The following POLR2B variants were observed in gnomAD, a reference collection of about 807,000 sequenced individuals.
The protein encoded by POLR2B is DNA-directed RNA polymerase II subunit RPB2.
Under a neutral mutation model 144.6 loss-of-function variants are expected in POLR2B, and 57 were observed. The ratio of observed to expected loss-of-function variants is 0.39; its 90% confidence interval spans 0.32 to 0.49. The LOEUF (loss-of-function observed/expected upper bound fraction) is 0.49, where lower values mean the gene tolerates loss of function less well. Ranked by LOEUF, POLR2B falls within the 20% of genes least tolerant of loss-of-function variation. POLR2B has a pLI of 0.83. For synonymous variants in POLR2B, 442 were observed against 469.8 expected (o/e 0.94, Z 0.77); for missense variants, 595 against 1,467.4 (o/e 0.41, Z 9.71).
chr4:56,984,327 GTACTTTTT>G (rs1722250902), intron 1 of POLR2B, among the ~76,000 whole-genome samples: 1 of 116,136 alleles, frequency 8.6e-6, no homozygotes, highest in African/African-American at 3.5e-5. Flanking sequence ...TTCCAACTAT[GTACTTTTT>G]TTTTTTCAAA....
At chr4:57,024,838 G>A (rs1723664354) in intron 21 of POLR2B, 48 bp from the exon 22 acceptor site, 1 of 910,806 alleles carries the variant, frequency 1.1e-6, no homozygotes, top group Non-Finnish European at 1.7e-6. Context: ...ACTTTTAGGG[G>A]GAGACAGACT....
Position 57,001,058 on chromosome 4 carries a change from C to T in POLR2B, c.900+1277C>T, listed in dbSNP as rs554893971. On this transcript the variant is annotated intron_variant, in intron 7 of 24. Coordinates refer to ENST00000314595, the MANE Select transcript of POLR2B (RefSeq NM_000938.3). ...AAACTATTAAGTAATAAGATCTGTACATTAATAGTATATAGTAATTCAAGT... is the reference window on the plus strand; with the variant it reads ...AAACTATTAAGTAATAAGATCTGTATATTAATAGTATATAGTAATTCAAGT... 5.3e-5 allele frequency among the ~76,000 whole-genome samples: 8 copies of T among 152,258 alleles called. No individual in the cohort carries two copies. The South Asian group carries it at 1.5e-3, about 28-fold the overall frequency.
intron 3 of POLR2B, among the ~76,000 whole-genome samples, chr4:56,992,577 T>TTTTTA (rs1722552884): frequency 2.1e-5 from 3 of 145,348 alleles, no homozygotes; most frequent in African/African-American, 7.5e-5. Flanking sequence ...TTTTTTTTTT[T>TTTTTA]GAGACAGAGT....
In POLR2B at chr4:57,023,910, T is replaced by C; in HGVS notation, c.2857-95T>C. ...ATGAACATACCATGTTTAAACAGAATTTGGGACATACAGTAATTCAGTTGG... is the reference window on the plus strand; with the variant it reads ...ATGAACATACCATGTTTAAACAGAACTTGGGACATACAGTAATTCAGTTGG... On this transcript the variant is annotated intron_variant, in intron 20 of 24. Coordinates refer to ENST00000314595, the MANE Select transcript of POLR2B (RefSeq NM_000938.3). The surrounding 1 kb of genome is among the most constrained non-coding windows in gnomAD (Gnocchi z 4.3). The C allele has an allele frequency of 1.2e-6, 1 of 811,374 alleles. No individual in the cohort carries two copies. The highest frequency in any genetic ancestry group is 2.0e-6 in the Non-Finnish European group (1 of 500,068). 50.3% of individuals were successfully genotyped at this position (811,374 alleles called of 1,614,324 possible). A position where few individuals can be genotyped will look rare whatever the true frequency, so the allele number is the denominator to read the frequency against.
Position 57,025,101 on chromosome 4 carries a change from C to T in POLR2B, c.3078+102C>T, listed in dbSNP as rs1258645437. 9 of 673,554 alleles carry T rather than the reference C, an allele frequency of 1.3e-5. 1 individual carries two copies. The highest frequency in any genetic ancestry group is 9.3e-5 in the South Asian group (5 of 54,034). 41.7% of individuals were successfully genotyped at this position (673,554 alleles called of 1,614,324 possible). On this transcript the variant is annotated intron_variant, in intron 22 of 24. Transcript: ENST00000314595. The stretch of plus-strand genomic sequence containing the variant: ...ACCTTTTATTGAAGTATCATATGTG[C>T]ACATATAGAAATGTACAGCTTGATG...
intron 6 of POLR2B, among the ~76,000 whole-genome samples, chr4:56,995,747 C>T (rs1331352076): frequency 6.6e-6 from 1 of 152,158 alleles, no homozygotes; most frequent in Non-Finnish European, 1.5e-5. Context: ...TGGACTGAGT[C>T]CCAGGTCTTT....
chr4:57,022,453 G>A (rs1263084684), intron 18 of POLR2B, among the ~76,000 whole-genome samples: 1 of 152,164 alleles, frequency 6.6e-6, no homozygotes, highest in Non-Finnish European at 1.5e-5. Context: ...ACCTAGGAGT[G>A]AGCTTGCTAT....
At chr4:57,008,768 T>G (rs1288767873) in intron 10 of POLR2B, among the ~76,000 whole-genome samples, 1 of 152,202 alleles carries the variant, frequency 6.6e-6, no homozygotes, top group Non-Finnish European at 1.5e-5. Context: ...TGAAGAGTAC[T>G]TGGAAAACGC....
At position 56,978,964 on chromosome 4, in the gene POLR2B, A is replaced by C. The variant is rs1023439210; in HGVS notation, c.-22A>C. 3 of 1,613,248 alleles carry C rather than the reference A, an allele frequency of 1.9e-6. No homozygotes were observed. The highest frequency in any genetic ancestry group is 2.5e-6 in the Non-Finnish European group (3 of 1,179,384). ...TTGTCTTTTGATTTCAAGAGTTAGG[A>C]GCTCGAGAACCGTTTGGCAATATGT... On this transcript the variant is annotated 5_prime_UTR_variant, in exon 1 of 25. Coordinates refer to ENST00000314595, the MANE Select transcript of POLR2B (RefSeq NM_000938.3).
intron 3 of POLR2B, among the ~76,000 whole-genome samples, chr4:56,993,902 C>T (rs1171002700): frequency 1.3e-5 from 2 of 152,080 alleles, no homozygotes; most frequent in Non-Finnish European, 2.9e-5. Context: ...TCTCTGGTCA[C>T]TTTGTATTTT....
intron 7 of POLR2B, among the ~76,000 whole-genome samples, chr4:57,002,283 G>A (rs1472386815): frequency 6.6e-6 from 1 of 152,060 alleles, no homozygotes; most frequent in African/African-American, 2.4e-5. Flanking sequence ...CCATCCTCGG[G>A]CTCCTGAAGT....
At chr4:56,998,241 G>A (rs934755146) in intron 6 of POLR2B, among the ~76,000 whole-genome samples, 1 of 147,770 alleles carries the variant, frequency 6.8e-6, no homozygotes, top group African/African-American at 2.5e-5. Context: ...TTTTTTTGGA[G>A]ACTAAGTCTG....
chr4:56,997,338 A>AACT (rs1397087825), intron 6 of POLR2B, among the ~76,000 whole-genome samples: 1 of 151,136 alleles, frequency 6.6e-6, no homozygotes. Flanking sequence ...GGCTCACTGC[A>AACT]ACCACCACCT....
intron 16 of POLR2B, among the ~76,000 whole-genome samples, chr4:57,018,480 G>C (rs1022432833): frequency 2.6e-5 from 4 of 152,142 alleles, no homozygotes; most frequent in Admixed American, 2.6e-4. Flanking sequence ...GGTGTTTGTG[G>C]CTTGGGTGAT....
chr4:56,981,056 G>A (rs1722142613), intron 1 of POLR2B, among the ~76,000 whole-genome samples: 1 of 152,036 alleles, frequency 6.6e-6, no homozygotes, highest in African/African-American at 2.4e-5. Context: ...ACCTGCCTCG[G>A]CCTCCGAAAG....
Position 57,028,113 on chromosome 4 carries a change from A to G in POLR2B, c.3240-2091A>G, listed in dbSNP as rs993519035. On this transcript the variant is annotated intron_variant, in intron 23 of 24. Transcript: ENST00000314595. The stretch of plus-strand genomic sequence containing the variant: ...TCTACAACATCGTCAACTTAATTCT[A>G]AGTCTGAATTAACATCATGGGTGTT... Among the ~76,000 whole-genome samples, 8 of 152,218 alleles carry G rather than the reference A, an allele frequency of 5.3e-5. 1 individual carries two copies. The highest frequency in any genetic ancestry group is 1.4e-4 in the African/African-American group (6 of 41,544).
intron 6 of POLR2B, 102 bp downstream of exon 6, chr4:56,995,511 T>C (rs1162100371): frequency 3.9e-6 from 3 of 770,884 alleles, no homozygotes; most frequent in East Asian, 5.1e-5. Flanking sequence ...CTGGAGCATA[T>C]TGTTGTTATA....
At chr4:56,989,556 A>C (rs537267574) in intron 2 of POLR2B, among the ~76,000 whole-genome samples, 19 of 152,256 alleles carry the variant, frequency 1.2e-4, no homozygotes, top group Non-Finnish European at 2.2e-4. Flanking sequence ...TGATGAAGCC[A>C]AAATGGGAGG....
Position 56,994,773 on chromosome 4 carries a change from C to A in POLR2B, c.483C>A (p.Cys161Ter). The change falls in exon 5 of 25, where the codon TGC becomes TGA. Residue 161 changes from cysteine to a stop codon, truncating the protein, a stop_gained. Transcript: ENST00000314595. LOFTEE classifies it high-confidence loss of function. ...CAATTATGTTGCGGTCAACTTACTGCCTTTTGAATGGCTTGACAGATCGTG... is the reference window on the plus strand; with the variant it reads ...CAATTATGTTGCGGTCAACTTACTGACTTTTGAATGGCTTGACAGATCGTG... Reference protein sequence around the residue: ...KIPIMLRSTYCLLNGLTDRDL... With the variant: ...KIPIMLRSTY The A allele has an allele frequency of 6.2e-7, 1 of 1,613,478 alleles. No individual in the cohort carries two copies. Among genetic ancestry groups the A allele is most frequent in the Non-Finnish European group, 8.5e-7 (1 of 1,179,550 alleles).
Sources: allele counts gnomAD v4.1 joint callset (sites outside exome capture counted in the v4.1 genomes callset), GRCh38; gene constraint gnomAD v4.1.1; non-coding constraint Gnocchi (gnomAD v3.1); transcripts MANE v1.5; gene names NCBI Gene and HGNC (gene_info 2026-07-23, HGNC 2026-07-21).